NIPA2: variants seen among roughly 807,000 people sequenced by gnomAD.
The protein encoded by NIPA2 is magnesium transporter NIPA2.
NIPA2 carries 11 observed loss-of-function variants against 29.7 expected under a neutral mutation model. The ratio of observed to expected loss-of-function variants is 0.37; its 90% CI spans 0.23 to 0.61. The LOEUF (loss-of-function observed/expected upper bound fraction) is 0.61. Among genes scored for constraint, NIPA2 ranks in the 20% least tolerant of loss-of-function variants. NIPA2 has a pLI of 0.66. For missense variants in NIPA2, 426 were observed against 437.9 expected (o/e 0.97, Z 0.24); for synonymous variants, 183 against 161.9 (o/e 1.13, Z -0.99).
At chr15:22,845,558 A>T (rs1259262706) in intron 3 of NIPA2, among the ~76,000 whole-genome samples, 1 of 152,188 alleles carries the variant, frequency 6.6e-6, no homozygotes, top group Non-Finnish European at 1.5e-5. Context: ...TTGAAGATAG[A>T]ACAGTAGTTG....
intron 7 of NIPA2, among the ~76,000 whole-genome samples, chr15:22,862,033 C>T (rs933110241): frequency 3.1e-5 from 4 of 128,314 alleles, no homozygotes; most frequent in Non-Finnish European, 4.8e-5. Flanking sequence ...CACCATGCCT[C>T]GCCTGATGGG....
At chr15:22,841,176 G>T (rs895129210) in intron 2 of NIPA2, among the ~76,000 whole-genome samples, 2 of 152,120 alleles carry the variant, frequency 1.3e-5, no homozygotes, top group African/African-American at 4.8e-5. Context: ...GTAACTACAT[G>T]AGATGATAGA....
At chr15:22,851,454 T>C (rs889929648) in intron 3 of NIPA2, among the ~76,000 whole-genome samples, 185 bp from the exon 4 acceptor site, 2 of 152,166 alleles carry the variant, frequency 1.3e-5, no homozygotes, top group African/African-American at 4.8e-5. Context: ...AGCATGATCC[T>C]ATCTTTTGCC....
At chr15:22,840,956 A>G (rs1369090402) in intron 2 of NIPA2, among the ~76,000 whole-genome samples, 1 of 135,784 alleles carries the variant, frequency 7.4e-6, no homozygotes, top group Non-Finnish European at 1.5e-5. Context: ...GATTTATTTG[A>G]TTGCTATACA....
At chr15:22,863,403 T>C (rs2058754044) in intron 7 of NIPA2, among the ~76,000 whole-genome samples, 1 of 152,152 alleles carries the variant, frequency 6.6e-6, no homozygotes, top group African/African-American at 2.4e-5. Flanking sequence ...TTTATTCTTA[T>C]TCATAGCCCT....
At chr15:22,852,289 A>C (rs537613045) in intron 4 of NIPA2, among the ~76,000 whole-genome samples, 270 of 152,214 alleles carry the variant, frequency 1.8e-3, no homozygotes, top group Non-Finnish European at 3.0e-3. Context: ...AAACATGGTG[A>C]AACCCCATCT....
At chr15:22,854,538 A>G (rs955533875) in intron 5 of NIPA2, among the ~76,000 whole-genome samples, 2 of 150,186 alleles carry the variant, frequency 1.3e-5, no homozygotes, top group African/African-American at 4.9e-5. Flanking sequence ...TGAGGTCAAG[A>G]GTTCAAGACC....
chr15:22,849,628 C>T (rs908145767), intron 3 of NIPA2, among the ~76,000 whole-genome samples: 4 of 151,084 alleles, frequency 2.6e-5, no homozygotes, highest in Non-Finnish European at 4.4e-5. Flanking sequence ...GGCGCGATCT[C>T]GGCTCACTGC....
intron 3 of NIPA2, among the ~76,000 whole-genome samples, chr15:22,850,818 G>A (rs894149989): frequency 1.1e-4 from 17 of 152,276 alleles, no homozygotes; most frequent in East Asian, 1.9e-4. Context: ...TTGGAACTCC[G>A]AAGTTAAATT....
intron 7 of NIPA2, among the ~76,000 whole-genome samples, chr15:22,864,672 C>A (rs139418733): frequency 7.2e-4 from 109 of 152,310 alleles, no homozygotes; most frequent in African/African-American, 2.5e-3. Flanking sequence ...GACTTTTCAG[C>A]CAGGCCTCAC....
chr15:22,853,018 G>A lies in NIPA2; in HGVS notation c.140-194G>A, dbSNP rs546002699. The stretch of plus-strand genomic sequence containing the variant: ...AAGAGGTGCTCTCACTGTTCATGAC[G>A]GGTATGCTTGTAAAGGATTCATTCA... On this transcript the variant is annotated intron_variant, in intron 4 of 7. Coordinates refer to ENST00000337451, the MANE Select transcript of NIPA2 (RefSeq NM_030922.7). Among the ~76,000 whole-genome samples, 7 of 152,236 alleles carry A rather than the reference G, an allele frequency of 4.6e-5. No individual in the cohort carries two copies. The East Asian group carries it at 1.4e-3, about 29-fold the overall frequency.
chr15:22,867,203 C>CCAT lies in NIPA2; in HGVS notation c.*359_*361dup, dbSNP rs1468445237. ...GAAATGTGCATTTGTCATCCCCACT[C>CCAT]CATCAATCCCTGACCATGTAAGGCT... On this transcript the variant is annotated 3_prime_UTR_variant, in exon 8 of 8. Coordinates refer to ENST00000337451, the MANE Select transcript of NIPA2 (RefSeq NM_030922.7). 7.6e-5 allele frequency: 32 copies of CCAT among 421,428 alleles called. No individual in the cohort carries two copies. The Admixed American group carries it at 1.0e-3, about 14-fold the overall frequency. The allele number at this position is 421,428 out of a possible 1,614,324, so 26.1% of individuals were successfully genotyped here.
In NIPA2 at chr15:22,867,768, T is replaced by C. The variant is rs2059219129; in HGVS notation, c.*921T>C. The C allele has an allele frequency of 6.6e-6, 1 of 152,242 alleles. No individual in the cohort carries two copies. The highest frequency in any genetic ancestry group is 2.4e-5 in the African/African-American group (1 of 41,452). 9.4% of individuals were successfully genotyped at this position (152,242 alleles called of 1,614,324 possible). Reference sequence around the variant, plus strand: ...ATGCTTAGAACAAACTTAACATGTTTATAGAATATGGTCTCTTTGTACCAA... The same window carrying C: ...ATGCTTAGAACAAACTTAACATGTTCATAGAATATGGTCTCTTTGTACCAA... On this transcript the variant is annotated 3_prime_UTR_variant, in exon 8 of 8. Coordinates refer to ENST00000337451, the MANE Select transcript of NIPA2 (RefSeq NM_030922.7).
intron 3 of NIPA2, among the ~76,000 whole-genome samples, chr15:22,850,263 C>G (rs1165755885): frequency 6.6e-6 from 1 of 151,954 alleles, no homozygotes; most frequent in African/African-American, 2.4e-5. Flanking sequence ...CTGTTGTGAT[C>G]AGGACATGCA....
chr15:22,862,104 A>C (rs981625013), intron 7 of NIPA2, among the ~76,000 whole-genome samples: 1 of 128,968 alleles, frequency 7.8e-6, no homozygotes, highest in Non-Finnish European at 1.6e-5. Flanking sequence ...CTGGAGTGCA[A>C]TGGCGTGATC....
chr15:22,861,629 A>G (rs952850839), intron 7 of NIPA2, among the ~76,000 whole-genome samples: 3 of 152,032 alleles, frequency 2.0e-5, no homozygotes, highest in Non-Finnish European at 4.4e-5. Flanking sequence ...ATATGCGACC[A>G]ATTTTTTGTT....
At chr15:22,849,542 GT>G (rs1430885069) in intron 3 of NIPA2, among the ~76,000 whole-genome samples, 1 of 150,410 alleles carries the variant, frequency 6.6e-6, no homozygotes, top group African/African-American at 2.5e-5. Context: ...TGACTTGAGT[GT>G]TTTCTTTCAA....
At chr15:22,853,308 T>G in intron 5 of NIPA2, 40 bp downstream of exon 5, 1 of 1,256,906 alleles carries the variant, frequency 8.0e-7, no homozygotes, top group Non-Finnish European at 1.2e-6. Flanking sequence ...ATGATAGCTA[T>G]ATATTAAAAT....
At position 22,868,206 on chromosome 15, in the gene NIPA2, A is replaced by T. The variant is rs1178611928; in HGVS notation, c.*1359A>T. 1 of 152,108 alleles carries T rather than the reference A, an allele frequency of 6.6e-6. No individual in the cohort carries two copies. The highest frequency in any genetic ancestry group is 6.5e-5 in the Admixed American group (1 of 15,286). The allele number at this position is 152,108 out of a possible 1,614,324, so 9.4% of individuals were successfully genotyped here. ...TTGGCCTTCTAAGGAGCTGTTTTAG[A>T]TGTTTTTTCTAACTGCCTCCTCCCA... On this transcript the variant is annotated 3_prime_UTR_variant, in exon 8 of 8. Transcript: ENST00000337451.
Sources: gnomAD v4.1 joint callset for allele counts (sites outside exome capture counted in the v4.1 genomes callset) on GRCh38, gnomAD v4.1.1 for gene constraint, MANE v1.5 for transcripts, NCBI Gene and HGNC (gene_info 2026-07-23, HGNC 2026-07-21) for gene names.